Variants in SIAH3 observed in about 807,000 individuals in gnomAD.
SIAH3 encodes seven in absentia homolog 3.
Under a neutral mutation model 12.6 loss-of-function variants are expected in SIAH3, and 9 were observed. The observed-to-expected ratio is 0.72, with a 90% confidence interval of 0.43 to 1.25. The LOEUF (loss-of-function observed/expected upper bound fraction) is 1.25. Among genes scored for constraint, SIAH3 ranks in the 50% most tolerant of loss-of-function variants. The probability of loss-of-function intolerance (pLI) is 0.00; values close to 1 mark genes in which losing one functional copy is unlikely to be tolerated. For missense variants in SIAH3, 390 were observed against 365.4 expected (o/e 1.07, Z -0.55); for synonymous variants, 154 against 151.1 (o/e 1.02, Z -0.14).
chr13:45,833,386 C>A lies in SIAH3; in HGVS notation c.135+18109G>T, dbSNP rs143492595. Among the ~76,000 whole-genome samples, 928 of 152,214 alleles carry A rather than the reference C, an allele frequency of 6.1e-3. 16 individuals carry two copies. Among genetic ancestry groups the A allele is most frequent in the African/African-American group, 0.021 (890 of 41,514 alleles). ...TATTGTGTAGCTGGACCCAGTCAAC[C>A]ACCCTGGGTCTTTTTTGGTACTGAC... On this transcript the variant is annotated intron_variant, in intron 1 of 1. Transcript: ENST00000400405.
chr13:45,851,729 C>A lies in SIAH3; in HGVS notation c.-100G>T. The A allele has an allele frequency of 6.8e-7, 1 of 1,478,878 alleles. No homozygotes were observed. Among genetic ancestry groups the A allele is most frequent in the Non-Finnish European group, 9.3e-7 (1 of 1,079,150 alleles). 91.6% of individuals were successfully genotyped at this position (1,478,878 alleles called of 1,614,324 possible). On this transcript the variant is annotated 5_prime_UTR_variant, in exon 1 of 2. Transcript: ENST00000400405. ...CAGCCTCTGAGACACTCCGCTCCAG[C>A]CCGGCTTAGCGCGCCTTCATATTCA... is the stretch of plus-strand genomic sequence containing the variant.
At chr13:45,797,168 A>G (rs551463056) in intron 1 of SIAH3, among the ~76,000 whole-genome samples, 38 of 150,402 alleles carry the variant, frequency 2.5e-4, no homozygotes, top group Non-Finnish European at 5.0e-4. Flanking sequence ...TTTTAACACA[A>G]TTCACCATGA....
intron 1 of SIAH3, among the ~76,000 whole-genome samples, chr13:45,793,011 C>A (rs935753329): frequency 6.6e-6 from 1 of 152,198 alleles, no homozygotes; most frequent in South Asian, 2.1e-4. Context: ...TAAAGATTAA[C>A]CTTTTTAATT....
At chr13:45,823,423 C>A (rs991971688) in intron 1 of SIAH3, among the ~76,000 whole-genome samples, 1 of 152,172 alleles carries the variant, frequency 6.6e-6, no homozygotes, top group African/African-American at 2.4e-5. Context: ...GGCAAGTCTG[C>A]CCTATTTTCC....
intron 1 of SIAH3, among the ~76,000 whole-genome samples, chr13:45,835,149 C>G (rs1019081916): frequency 6.6e-6 from 1 of 152,206 alleles, no homozygotes; most frequent in Admixed American, 6.5e-5. Context: ...TTTGAATATA[C>G]TCACAAACAA....
At chr13:45,794,928 C>T (rs994651400) in intron 1 of SIAH3, among the ~76,000 whole-genome samples, 1 of 150,252 alleles carries the variant, frequency 6.7e-6, no homozygotes, top group Non-Finnish European at 1.5e-5. Context: ...TCCCTTAAGG[C>T]CTTCTAGCAA....
At chr13:45,789,696 C>G (rs1175728264) in intron 1 of SIAH3, among the ~76,000 whole-genome samples, 1 of 152,138 alleles carries the variant, frequency 6.6e-6, no homozygotes, top group Non-Finnish European at 1.5e-5. Context: ...CATAAGCCAC[C>G]ACACCTGGCC....
At chr13:45,826,460 A>AGTGGGTGC (rs1162256365) in intron 1 of SIAH3, among the ~76,000 whole-genome samples, 2 of 7,498 alleles carry the variant, frequency 2.7e-4, no homozygotes, top group Admixed American at 1.2e-3. Flanking sequence ...TGGATGGATG[A>AGTGGGTGC]ATGGATGGAT....
intron 1 of SIAH3, among the ~76,000 whole-genome samples, chr13:45,812,926 G>A (rs1470354632): frequency 1.3e-5 from 2 of 152,250 alleles, no homozygotes; most frequent in African/African-American, 4.8e-5. Flanking sequence ...CTCCTCCTGG[G>A]CTGGAAATGT....
intron 1 of SIAH3, among the ~76,000 whole-genome samples, chr13:45,826,554 C>G (rs1211156137): frequency 6.6e-6 from 1 of 152,080 alleles, no homozygotes; most frequent in Non-Finnish European, 1.5e-5. Flanking sequence ...CTCCTTGACT[C>G]TCCGGGCTTT....
intron 1 of SIAH3, among the ~76,000 whole-genome samples, chr13:45,837,939 A>G (rs936140593): frequency 6.6e-6 from 1 of 152,214 alleles, no homozygotes; most frequent in East Asian, 1.9e-4. Context: ...TCTGTCACCC[A>G]TGATAAATGG....
At chr13:45,804,321 C>T (rs529218533) in intron 1 of SIAH3, among the ~76,000 whole-genome samples, 30 of 151,940 alleles carry the variant, frequency 2.0e-4, no homozygotes, top group Admixed American at 1.4e-3. Context: ...AAGCCAGTGG[C>T]GAAAGATCAC....
chr13:45,794,096 CTT>C (rs11311084), intron 1 of SIAH3, among the ~76,000 whole-genome samples: 1,564 of 146,496 alleles, frequency 0.011, 25 homozygotes, highest in African/African-American at 0.036. Context: ...CCTCCTGACA[CTT>C]TTTTTTTTTT....
intron 1 of SIAH3, among the ~76,000 whole-genome samples, chr13:45,795,956 A>T (rs1269410462): frequency 6.6e-6 from 1 of 152,240 alleles, no homozygotes; most frequent in South Asian, 2.1e-4. Context: ...TTGAATTTTT[A>T]AAAAAGCTAG....
chr13:45,783,960 T>C lies in SIAH3; in HGVS notation c.233A>G (p.His78Arg), dbSNP rs774095126. The C allele has an allele frequency of 3.7e-6, 6 of 1,603,542 alleles. No homozygotes were observed. Among genetic ancestry groups the C allele is most frequent in the Non-Finnish European group, 4.3e-6 (5 of 1,175,312 alleles). The change falls in exon 2 of 2, where the codon CAC (histidine) becomes CGC (arginine). Residue 78 changes from histidine (H) to arginine (R), a missense_variant. His to Arg is a conservative substitution (Grantham distance 29, BLOSUM62 0). Coordinates refer to ENST00000400405, the MANE Select transcript of SIAH3 (RefSeq NM_198849.3). ...LSHHHCHHRH[H>R]HHLRHHAHPH... ...GTGGGCGTGGTGGCGGAGGTGGTGG[T>C]GGTGGCGGTGGTGGCAGTGGTGGTG...
intron 1 of SIAH3, among the ~76,000 whole-genome samples, chr13:45,836,267 T>C (rs919069930): frequency 3.3e-5 from 5 of 152,226 alleles, no homozygotes; most frequent in Admixed American, 6.5e-5. Flanking sequence ...CATATGTTCA[T>C]TGCATCACTG....
intron 1 of SIAH3, among the ~76,000 whole-genome samples, chr13:45,820,571 T>TA (rs1950652222): frequency 6.6e-6 from 1 of 152,226 alleles, no homozygotes; most frequent in African/African-American, 2.4e-5. Flanking sequence ...AGACATATGG[T>TA]ACGGTGTGGG....
intron 1 of SIAH3, among the ~76,000 whole-genome samples, chr13:45,822,921 GAACA>G (rs1307384162): frequency 7.2e-6 from 1 of 139,640 alleles, no homozygotes; most frequent in African/African-American, 2.8e-5. Context: ...AGGAAATGAA[GAACA>G]AAGGCCACAA....
At chr13:45,790,289 A>G (rs1950541716) in intron 1 of SIAH3, among the ~76,000 whole-genome samples, 1 of 152,222 alleles carries the variant, frequency 6.6e-6, no homozygotes, top group South Asian at 2.1e-4. Flanking sequence ...CTTTGAAAAG[A>G]TGACAACTTT....
Sources: allele counts gnomAD v4.1 joint callset (sites outside exome capture counted in the v4.1 genomes callset), GRCh38; gene constraint gnomAD v4.1.1; transcripts MANE v1.5; gene names NCBI Gene and HGNC (gene_info 2026-07-23, HGNC 2026-07-21).